CSNK1G3: variants seen among roughly 807,000 people sequenced by gnomAD.
CSNK1G3 encodes casein kinase I isoform gamma-3.
CSNK1G3 carries 23 observed loss-of-function variants against 64.3 expected under a neutral mutation model. That is an observed-to-expected ratio of 0.36 (90% CI 0.26 to 0.51). CSNK1G3 has a LOEUF of 0.51. Ranked by LOEUF, CSNK1G3 falls within the 20% of genes least tolerant of loss-of-function variation. The pLI is 0.96. For synonymous variants in CSNK1G3, 158 were observed against 162.2 expected (o/e 0.97, Z 0.20); for missense variants, 357 against 510.5 (o/e 0.70, Z 2.90).
chr5:123,538,271 A>C (rs994124557), intron 1 of CSNK1G3, among the ~76,000 whole-genome samples: 2 of 152,152 alleles, frequency 1.3e-5, no homozygotes, highest in African/African-American at 4.8e-5. Context: ...TTCCAAAGTC[A>C]TACTATTTTT....
chr5:123,604,865 T>C, intron 11 of CSNK1G3, 35 bp downstream of exon 12: 1 of 1,481,422 alleles, frequency 6.8e-7, no homozygotes, highest in Non-Finnish European at 9.3e-7. Flanking sequence ...AGTAACTTTT[T>C]GTTCTTAAAT....
At chr5:123,556,820 TTATG>T (rs1430371107) in intron 3 of CSNK1G3, among the ~76,000 whole-genome samples, 3 of 95,740 alleles carry the variant, frequency 3.1e-5, no homozygotes, top group Non-Finnish European at 7.4e-5. Flanking sequence ...TCAAAAACAT[TTATG>T]TCGAATGATA....
intron 1 of CSNK1G3, among the ~76,000 whole-genome samples, chr5:123,524,555 C>T (rs966025960): frequency 6.6e-6 from 1 of 152,124 alleles, no homozygotes; most frequent in Non-Finnish European, 1.5e-5. Context: ...ATATTTATAT[C>T]TGCTTTGGCT....
At chr5:123,604,808 G>T (rs1795070214) in exon 11 of CSNK1G3, 2 of 1,610,010 alleles carry the variant, frequency 1.2e-6, no homozygotes, top group Non-Finnish European at 8.5e-7. Context: ...CCCTACTGAA[G>T]TAGAAGTGAT....
intron 5 of CSNK1G3, among the ~76,000 whole-genome samples, chr5:123,574,544 G>A (rs1788768556): frequency 6.6e-6 from 1 of 152,150 alleles, no homozygotes; most frequent in Admixed American, 6.5e-5. Flanking sequence ...TATAGGCTAG[G>A]TGTGGTGGCT....
chr5:123,596,912 G>A (rs1048093576), intron 10 of CSNK1G3, among the ~76,000 whole-genome samples: 7 of 152,050 alleles, frequency 4.6e-5, no homozygotes, highest in African/African-American at 1.7e-4. Context: ...CCAAAATAAA[G>A]ACTGAATTCA....
intron 6 of CSNK1G3, among the ~76,000 whole-genome samples, chr5:123,587,779 C>CT (rs1217523510): frequency 1.3e-5 from 2 of 152,168 alleles, no homozygotes; most frequent in Non-Finnish European, 1.5e-5. Flanking sequence ...CCATGGAACT[C>CT]TTTTCCCCGT....
intron 8 of CSNK1G3, among the ~76,000 whole-genome samples, chr5:123,589,740 A>C (rs192461398): frequency 1.9e-3 from 282 of 152,260 alleles, no homozygotes; most frequent in African/African-American, 6.7e-3. Context: ...TATTAGATAC[A>C]TGTATCTAAT....
intron 1 of CSNK1G3, among the ~76,000 whole-genome samples, chr5:123,533,308 T>A (rs553967853): frequency 6.6e-6 from 1 of 152,088 alleles, no homozygotes; most frequent in African/African-American, 2.4e-5. Context: ...TTGGTTAAAT[T>A]TATATTTTTA....
At chr5:123,525,930 G>A (rs1306627647) in intron 1 of CSNK1G3, among the ~76,000 whole-genome samples, 1 of 151,290 alleles carries the variant, frequency 6.6e-6, no homozygotes, top group Non-Finnish European at 1.5e-5. Context: ...CCTGGGAGGC[G>A]GAGCTTGCAG....
intron 10 of CSNK1G3, among the ~76,000 whole-genome samples, chr5:123,603,265 A>G (rs926358573): frequency 6.6e-6 from 1 of 152,150 alleles, no homozygotes; most frequent in African/African-American, 2.4e-5. Context: ...GTGGTGAGTT[A>G]TATATTTTTT....
chr5:123,611,766 A>G (rs1451619553), intron 12 of CSNK1G3, among the ~76,000 whole-genome samples: 1 of 152,224 alleles, frequency 6.6e-6, no homozygotes, highest in African/African-American at 2.4e-5. Flanking sequence ...ATATCAAACA[A>G]TAAATTTCCA....
intron 1 of CSNK1G3, among the ~76,000 whole-genome samples, chr5:123,520,254 T>G (rs1777870864): frequency 1.3e-5 from 2 of 152,176 alleles, no homozygotes; most frequent in South Asian, 4.1e-4. Flanking sequence ...AATATATATG[T>G]GCATATATAC....
chr5:123,611,850 G>A (rs1302920851), intron 12 of CSNK1G3, among the ~76,000 whole-genome samples: 1 of 151,950 alleles, frequency 6.6e-6, no homozygotes, highest in Admixed American at 6.5e-5. Context: ...CTATTTTTAT[G>A]TCTTGCTTTC....
At chr5:123,545,036 A>G (rs938150945) in intron 1 of CSNK1G3, among the ~76,000 whole-genome samples, 2 of 152,132 alleles carry the variant, frequency 1.3e-5, no homozygotes, top group African/African-American at 4.8e-5. Flanking sequence ...TTTTATTTTT[A>G]TAATTCATTC....
At chr5:123,579,636 A>G (rs1300872104) in intron 6 of CSNK1G3, among the ~76,000 whole-genome samples, 1 of 151,978 alleles carries the variant, frequency 6.6e-6, no homozygotes, top group African/African-American at 2.4e-5. Flanking sequence ...ACAATGGTAA[A>G]TGTAACAGCA....
intron 1 of CSNK1G3, among the ~76,000 whole-genome samples, chr5:123,523,166 C>A (rs762117563): frequency 1.3e-5 from 2 of 151,968 alleles, no homozygotes; most frequent in Non-Finnish European, 2.9e-5. Flanking sequence ...CTTTTTTATA[C>A]CACTGTTGAT....
intron 5 of CSNK1G3, among the ~76,000 whole-genome samples, chr5:123,573,942 C>T (rs571380411): frequency 1.3e-5 from 2 of 151,632 alleles, no homozygotes; most frequent in South Asian, 2.1e-4. Context: ...CTCTGCCTCC[C>T]GGGTTCAAGC....
chr5:123,595,673 T>A (rs992515331), intron 10 of CSNK1G3, among the ~76,000 whole-genome samples: 1 of 152,080 alleles, frequency 6.6e-6, no homozygotes, highest in Non-Finnish European at 1.5e-5. Context: ...ATAAGAAGTG[T>A]TTATTAAATA....
Sources: gnomAD v4.1 joint callset for allele counts (sites outside exome capture counted in the v4.1 genomes callset) on GRCh38, gnomAD v4.1.1 for gene constraint, MANE v1.5 for transcripts, NCBI Gene and HGNC (gene_info 2026-07-23, HGNC 2026-07-21) for gene names.